PFAS: variants seen among roughly 807,000 people sequenced by gnomAD.
PFAS encodes the protein phosphoribosylformylglycinamidine synthase, also known as FGAM synthase.
In PFAS, 97 loss-of-function variants were observed where a neutral mutation model predicts 140.6. The ratio of observed to expected loss-of-function variants is 0.69; its 90% CI spans 0.59 to 0.82. The LOEUF is 0.82. Ranked by LOEUF, PFAS falls within the 40% of genes least tolerant of loss-of-function variation. PFAS has a pLI of 0.00. For synonymous variants in PFAS, 679 were observed against 718.8 expected, an observed-to-expected ratio of 0.94 and a Z score of 0.88; for missense variants, 1,656 against 1,780.2, an observed-to-expected ratio of 0.93 and a Z score of 1.26.
chr17:8,268,386 A>G, intron 26 of PFAS, 147 bp from the exon 27 acceptor site: 1 of 628,624 alleles, frequency 1.6e-6, no homozygotes, highest in South Asian at 2.1e-5. Context: ...AAAAAAAAAA[A>G]AAGAAAGAAG....
At chr17:8,252,978 C>A (rs1179402444) in intron 1 of PFAS, among the ~76,000 whole-genome samples, 1 of 152,176 alleles carries the variant, frequency 6.6e-6, no homozygotes, top group Non-Finnish European at 1.5e-5. Context: ...GTAGCTCATT[C>A]TTGAGAGTTC....
chr17:8,269,560 G>A lies in PFAS; in HGVS notation c.*296G>A. 1 of 349,322 alleles carries A rather than the reference G, an allele frequency of 2.9e-6. No individual in the cohort carries two copies. Among genetic ancestry groups the A allele is most frequent in the Non-Finnish European group, 5.2e-6 (1 of 190,986 alleles). The allele number at this position is 349,322 out of a possible 1,614,324, so 21.6% of individuals were successfully genotyped here. Reference sequence around the variant, plus strand: ...TTAGGACTCCTGAGGTCCGAACAGGGGCTTCTGTTGCCCACTTCACAACAC... The same window carrying A: ...TTAGGACTCCTGAGGTCCGAACAGGAGCTTCTGTTGCCCACTTCACAACAC... On this transcript the variant is annotated 3_prime_UTR_variant, in exon 28 of 28. Transcript: ENST00000314666.
intron 10 of PFAS, 57 bp downstream of exon 10, chr17:8,257,995 T>C (rs1028015749): frequency 6.2e-7 from 1 of 1,611,916 alleles, no homozygotes; most frequent in Non-Finnish European, 8.5e-7. Context: ...GGGTGGGGTG[T>C]GCGACCCAGG....
chr17:8,250,606 G>A (rs549340754), intron 1 of PFAS, among the ~76,000 whole-genome samples: 2 of 152,302 alleles, frequency 1.3e-5, no homozygotes, highest in Non-Finnish European at 2.9e-5. Flanking sequence ...CCCGCTGAGA[G>A]GCAGTGGGAC....
intron 1 of PFAS, among the ~76,000 whole-genome samples, chr17:8,250,207 A>G (rs1433462017): frequency 6.6e-6 from 1 of 152,226 alleles, no homozygotes; most frequent in Non-Finnish European, 1.5e-5. Flanking sequence ...TAGGGTTGGA[A>G]AGGTAGGCCA....
At chr17:8,256,788 G>A in intron 8 of PFAS, 47 bp from the exon 9 acceptor site, 2 of 1,560,480 alleles carry the variant, frequency 1.3e-6, no homozygotes, top group South Asian at 1.2e-5. Flanking sequence ...CAGAGATGGG[G>A]GTTTGTCTCT....
chr17:8,254,962 A>C, intron 3 of PFAS, 65 bp from the exon 4 acceptor site: 1 of 1,123,498 alleles, frequency 8.9e-7, no homozygotes, highest in Non-Finnish European at 1.4e-6. Flanking sequence ...AGTAGGCAGG[A>C]TCCACCCTCC....
rs1783993874 is a variant in PFAS at position 8,263,230 on chromosome 17, T to C, written c.1532T>C (p.Ile511Thr). ...GTGGAGGCCCCCAAGGGAAACCCCA[T>C]CTGCAGCCTTCATGATCAGGGCGCT... ...ACVEAPKGNP[I>T]CSLHDQGAGG... The change falls in exon 13 of 28, where the codon ATC (isoleucine) becomes ACC (threonine). Residue 511 changes from isoleucine to threonine, a missense_variant. By Grantham distance (89) the Ile-to-Thr change is moderately conservative (BLOSUM62 -1). Coordinates refer to ENST00000314666, the MANE Select transcript of PFAS (RefSeq NM_012393.3). 1.2e-6 allele frequency: 2 copies of C among 1,614,146 alleles called. No individual in the cohort carries two copies. The highest frequency in any genetic ancestry group is 2.2e-5 in the East Asian group (1 of 44,884).
At position 8,267,998 on chromosome 17, in the gene PFAS, T is replaced by C. The variant is rs1303263701; in HGVS notation, c.3382+333T>C. On this transcript the variant is annotated intron_variant, in intron 26 of 27. Coordinates refer to ENST00000314666, the MANE Select transcript of PFAS (RefSeq NM_012393.3). The surrounding 1 kb of genome is among the most constrained non-coding windows in gnomAD (Gnocchi z 4.9). ...ATATATTATTTATATATTATTAAAA[T>C]ATATTATTTATATATATTATTTATA... Among the ~76,000 whole-genome samples the C allele has an allele frequency of 7.1e-6, 1 of 141,492 alleles. No homozygotes were observed. The highest frequency in any genetic ancestry group is 1.5e-5 in the Non-Finnish European group (1 of 65,612). The allele number at this position is 141,492 out of a possible 152,430, so 92.8% of individuals were successfully genotyped here. A position where few individuals can be genotyped will look rare whatever the true frequency, so the allele number is the denominator to read the frequency against.
rs571793373 is a variant in PFAS at position 8,255,495 on chromosome 17, C to A, written c.385-7C>A. Reference sequence around the variant, plus strand: ...ACCCCTTGCCCTCTGTGTGTCTGCACCCCTAGTTTGCCCACCCCCCGTCAG... The same window carrying A: ...ACCCCTTGCCCTCTGTGTGTCTGCAACCCTAGTTTGCCCACCCCCCGTCAG... On this transcript the variant is annotated splice_polypyrimidine_tract_variant and splice_region_variant and intron_variant, in intron 4 of 27. Coordinates refer to ENST00000314666, the MANE Select transcript of PFAS (RefSeq NM_012393.3). The A allele has an allele frequency of 5.9e-6, 9 of 1,514,134 alleles. No individual in the cohort carries two copies. The highest frequency in any genetic ancestry group is 8.0e-6 in the Non-Finnish European group (9 of 1,131,900). 93.8% of individuals were successfully genotyped at this position (1,514,134 alleles called of 1,614,324 possible).
chr17:8,253,990 C>T lies in PFAS; in HGVS notation c.53C>T (p.Ala18Val). 6.2e-7 allele frequency: 1 copy of T among 1,614,134 alleles called. No homozygotes were observed. Among genetic ancestry groups the T allele is most frequent in the Non-Finnish European group, 8.5e-7 (1 of 1,179,996 alleles). The change falls in exon 2 of 28, where the codon GCC (alanine) becomes GTC (valine). Residue 18 changes from alanine to valine, a missense_variant. Transcript: ENST00000314666. The part of the protein sequence containing the change: ...YVRPSGHEGA[A>V]PGHTRRKLQG... ...CGTCCCTCTGGCCATGAGGGGGCAG[C>T]CCCTGGACACACTCGGAGGAAACTG... is the stretch of plus-strand genomic sequence containing the variant.
In PFAS at chr17:8,263,191, T is replaced by A; in HGVS notation, c.1493T>A (p.Val498Glu). 1.2e-6 allele frequency: 2 copies of A among 1,614,078 alleles called. No homozygotes were observed. ...GAGATGGAACAGAAGATGAACCGTG[T>A]GATCAGGGCTTGTGTGGAGGCCCCC... ...DPEMEQKMNR[V>E]IRACVEAPKG... The change falls in exon 13 of 28, where the codon GTG (valine) becomes GAG (glutamate). Residue 498 changes from valine (V) to glutamate (E), a missense_variant. By Grantham distance (121) the Val-to-Glu change is moderately radical (BLOSUM62 -2). Transcript: ENST00000314666.
chr17:8,263,542 G>T, intron 13 of PFAS, 33 bp from the exon 14 acceptor site: 1 of 1,593,098 alleles, frequency 6.3e-7, no homozygotes, highest in Non-Finnish European at 8.6e-7. Context: ...ACCACCACTA[G>T]GTCACTGCTT....
intron 11 of PFAS, among the ~76,000 whole-genome samples, chr17:8,260,341 G>A (rs1316467725): frequency 1.3e-5 from 2 of 152,150 alleles, no homozygotes; most frequent in Admixed American, 6.6e-5. Flanking sequence ...TGTATATGTG[G>A]TCTGTTGTTA....
intron 20 of PFAS, 73 bp from the exon 21 acceptor site, chr17:8,265,789 C>A: frequency 7.3e-7 from 1 of 1,369,924 alleles, no homozygotes; most frequent in Non-Finnish European, 1.0e-6. Flanking sequence ...CTGGGAATAG[C>A]AGTGCTGTGA....
Position 8,266,545 on chromosome 17 carries a change from C to T in PFAS, c.2821+192C>T, listed in dbSNP as rs1485612729. ...CTGACACCCACCATGTTCCTGACTG[C>T]ACCCCTCTGAGACTTCCCATCCCTG... On this transcript the variant is annotated intron_variant, in intron 22 of 27. Transcript: ENST00000314666. The surrounding 1 kb of genome is among the most constrained non-coding windows in gnomAD (Gnocchi z 5.0). 1 of 1,450,506 alleles carries T rather than the reference C, an allele frequency of 6.9e-7. No individual in the cohort carries two copies. The highest frequency in any genetic ancestry group is 9.0e-7 in the Non-Finnish European group (1 of 1,106,092). 89.9% of individuals were successfully genotyped at this position (1,450,506 alleles called of 1,614,324 possible). A position where few individuals can be genotyped will look rare whatever the true frequency, so the allele number is the denominator to read the frequency against.
At chr17:8,249,568 C>T (rs1466362562) in intron 1 of PFAS, 2 of 152,240 alleles carry the variant, frequency 1.3e-5, no homozygotes, top group African/African-American at 4.8e-5. Context: ...TTGTCCCATT[C>T]ATGGATTCAG....
intron 1 of PFAS, 113 bp from the exon 2 acceptor site, chr17:8,253,746 C>T: frequency 1.6e-6 from 1 of 629,146 alleles, no homozygotes; most frequent in Non-Finnish European, 2.5e-6. Flanking sequence ...ACTATGTTGG[C>T]CGGGCTGATC....
rs1989668207 is a variant in PFAS, at chr17:8,263,255, T to C, written c.1557T>C (p.Ala519=). 3.1e-6 allele frequency: 5 copies of C among 1,614,100 alleles called. No homozygotes were observed. Among genetic ancestry groups the C allele is most frequent in the Non-Finnish European group, 3.4e-6 (4 of 1,180,014 alleles). The part of the protein sequence containing the change: ...NPICSLHDQG[A]GGNGNVLKEL... The stretch of plus-strand genomic sequence containing the variant: ...TCTGCAGCCTTCATGATCAGGGCGC[T>C]GGTGGCAATGGTGAGGAAAGGAGTT... Residue 519 remains alanine, a synonymous_variant, in exon 13 of 28, where the codon GCT becomes GCC. Coordinates refer to ENST00000314666, the MANE Select transcript of PFAS (RefSeq NM_012393.3).
Sources: allele counts gnomAD v4.1 joint callset (sites outside exome capture counted in the v4.1 genomes callset), GRCh38; gene constraint gnomAD v4.1.1; non-coding constraint Gnocchi (gnomAD v3.1); transcripts MANE v1.5; gene names NCBI Gene and HGNC (gene_info 2026-07-23, HGNC 2026-07-21).